The following GSG1L variants were observed in gnomAD, a reference collection of about 807,000 sequenced individuals.
GSG1L encodes germ cell-specific gene 1-like protein.
GSG1L carries 24 observed loss-of-function variants against 42.1 expected under a neutral mutation model. The observed-to-expected ratio is 0.57, with a 90% confidence interval of 0.41 to 0.80. The LOEUF (loss-of-function observed/expected upper bound fraction) is 0.80. Among genes scored for constraint, GSG1L ranks in the 30% least tolerant of loss-of-function variants. The probability of loss-of-function intolerance (pLI) is 0.00; values close to 1 mark genes in which losing one functional copy is unlikely to be tolerated. For missense variants in GSG1L, 445 were observed against 472.2 expected, an observed-to-expected ratio of 0.94 and a Z score of 0.53; for synonymous variants, 215 against 203.5, an observed-to-expected ratio of 1.06 and a Z score of -0.48.
At chr16:28,046,787 G>T (rs2086165691) in intron 1 of GSG1L, among the ~76,000 whole-genome samples, 1 of 152,182 alleles carries the variant, frequency 6.6e-6, no homozygotes, top group Admixed American at 6.5e-5. Flanking sequence ...CCTGCACAAA[G>T]CCTGCGCAAA....
At chr16:28,020,028 G>T (rs2085822308) in intron 1 of GSG1L, among the ~76,000 whole-genome samples, 1 of 152,230 alleles carries the variant, frequency 6.6e-6, no homozygotes, top group Non-Finnish European at 1.5e-5. Flanking sequence ...AAGCACTGAA[G>T]ATGGTCAAGT....
At chr16:27,979,814 A>G (rs1338873028) in intron 1 of GSG1L, among the ~76,000 whole-genome samples, 3 of 116,264 alleles carry the variant, frequency 2.6e-5, no homozygotes, top group Admixed American at 8.8e-5. Context: ...AGAAAGAAAG[A>G]AAAGAAAGAA....
chr16:27,862,807 A>T (rs2083670270), intron 3 of GSG1L, among the ~76,000 whole-genome samples: 1 of 152,168 alleles, frequency 6.6e-6, no homozygotes, highest in Non-Finnish European at 1.5e-5. Flanking sequence ...ACACAGACAC[A>T]CGCATGACAC....
chr16:28,036,546 G>A (rs2086040012), intron 1 of GSG1L, among the ~76,000 whole-genome samples: 1 of 152,176 alleles, frequency 6.6e-6, no homozygotes, highest in Non-Finnish European at 1.5e-5. Context: ...CCAGGACACT[G>A]CTTCGGCTGC....
At chr16:28,024,067 G>C (rs1254620932) in intron 1 of GSG1L, among the ~76,000 whole-genome samples, 1 of 152,140 alleles carries the variant, frequency 6.6e-6, no homozygotes, top group African/African-American at 2.4e-5. Flanking sequence ...AACAGTGGCA[G>C]CAAGAGGACT....
intron 2 of GSG1L, among the ~76,000 whole-genome samples, chr16:27,940,597 G>A (rs1333487192): frequency 3.3e-5 from 3 of 89,886 alleles, no homozygotes; most frequent in Admixed American, 1.1e-4. Context: ...GTAAACTATC[G>A]CAAGAACAAA....
intron 1 of GSG1L, among the ~76,000 whole-genome samples, chr16:27,987,224 A>C (rs1356779751): frequency 6.6e-6 from 1 of 152,196 alleles, no homozygotes; most frequent in African/African-American, 2.4e-5. Flanking sequence ...CTCAAAAAAA[A>C]AAAAAAAAAG....
At chr16:27,979,570 A>T (rs1231091476) in intron 1 of GSG1L, among the ~76,000 whole-genome samples, 18 of 147,916 alleles carry the variant, frequency 1.2e-4, no homozygotes, top group African/African-American at 4.5e-4. Flanking sequence ...ATCCATCAAA[A>T]AAAAAAAAAA....
At chr16:28,017,270 G>A (rs1038659424) in intron 1 of GSG1L, among the ~76,000 whole-genome samples, 1 of 152,204 alleles carries the variant, frequency 6.6e-6, no homozygotes, top group Non-Finnish European at 1.5e-5. Context: ...TCAAAGGTCA[G>A]AGGTCAACTT....
In GSG1L at chr16:27,936,245, A is replaced by T. The variant is rs141819494; in HGVS notation, c.397+26911T>A. On this transcript the variant is annotated intron_variant, in intron 2 of 6. Transcript: ENST00000447459. ...TCACTTTATAAGGTCACTGGGTGCTATAGTTTGGTTTATGTGACCCCCTCC... is the reference window on the plus strand; with the variant it reads ...TCACTTTATAAGGTCACTGGGTGCTTTAGTTTGGTTTATGTGACCCCCTCC... Among the ~76,000 whole-genome samples, 950 of 152,184 alleles carry T rather than the reference A, an allele frequency of 6.2e-3. 5 individuals are homozygous for T. Among genetic ancestry groups the T allele is most frequent in the Non-Finnish European group, 0.011 (714 of 68,000 alleles).
chr16:27,856,974 G>A (rs1178525031), intron 3 of GSG1L, among the ~76,000 whole-genome samples: 1 of 152,186 alleles, frequency 6.6e-6, no homozygotes. Context: ...TCTCTTGGAA[G>A]TTCAAGCCCA....
intron 1 of GSG1L, among the ~76,000 whole-genome samples, chr16:28,006,234 A>C (rs534372495): frequency 6.7e-4 from 102 of 152,308 alleles, no homozygotes; most frequent in Admixed American, 1.6e-3. Context: ...GAATAAGCAA[A>C]AAATGCATTC....
intron 2 of GSG1L, among the ~76,000 whole-genome samples, chr16:27,916,591 G>C (rs905815552): frequency 2.0e-5 from 3 of 150,148 alleles, no homozygotes; most frequent in Non-Finnish European, 4.4e-5. Flanking sequence ...CCAAAGTGCT[G>C]GGACGGCAGG....
At chr16:28,016,896 C>T (rs1034551660) in intron 1 of GSG1L, among the ~76,000 whole-genome samples, 5 of 152,188 alleles carry the variant, frequency 3.3e-5, no homozygotes, top group African/African-American at 1.2e-4. Flanking sequence ...TTGCCTCCCC[C>T]ACAATGTCCA....
intron 1 of GSG1L, among the ~76,000 whole-genome samples, chr16:28,061,937 C>T (rs553135748): frequency 1.3e-5 from 2 of 152,352 alleles, no homozygotes; most frequent in African/African-American, 4.8e-5. Flanking sequence ...GTTCGCTTCA[C>T]AGCTTCCTCC....
At chr16:27,827,661 G>T (rs1185790805) in intron 5 of GSG1L, among the ~76,000 whole-genome samples, 1 of 152,180 alleles carries the variant, frequency 6.6e-6, no homozygotes, top group Admixed American at 6.5e-5. Flanking sequence ...CTCTCTGAGT[G>T]GCTTCATCAG....
intron 3 of GSG1L, among the ~76,000 whole-genome samples, chr16:27,860,624 G>A (rs1020785628): frequency 6.6e-6 from 1 of 152,224 alleles, no homozygotes; most frequent in African/African-American, 2.4e-5. Context: ...AAAGACTATT[G>A]GTGGGGAGAA....
At chr16:28,014,606 C>A (rs969230478) in intron 1 of GSG1L, among the ~76,000 whole-genome samples, 1 of 150,540 alleles carries the variant, frequency 6.6e-6, no homozygotes, top group Non-Finnish European at 1.5e-5. Context: ...TGGGATCCAA[C>A]AATCCTCTCA....
intron 5 of GSG1L, among the ~76,000 whole-genome samples, chr16:27,814,482 T>C (rs576131227): frequency 1.5e-4 from 23 of 152,268 alleles, no homozygotes; most frequent in South Asian, 4.1e-4. Flanking sequence ...CCTCAGGGTC[T>C]AGCACAGTGT....
Sources: allele counts gnomAD v4.1 joint callset (sites outside exome capture counted in the v4.1 genomes callset), GRCh38; gene constraint gnomAD v4.1.1; transcripts MANE v1.5; gene names NCBI Gene and HGNC (gene_info 2026-07-23, HGNC 2026-07-21).